Variants in TUBGCP6 observed in about 807,000 individuals in gnomAD.
TUBGCP6 encodes gamma-tubulin complex component 6.
A neutral mutation model predicts 175.8 loss-of-function variants in TUBGCP6; 161 were observed. The ratio of observed to expected loss-of-function variants is 0.92; its 90% CI spans 0.81 to 1.04. TUBGCP6 has a LOEUF of 1.04. Among genes scored for constraint, TUBGCP6 ranks in the 50% least tolerant of loss-of-function variants. TUBGCP6 has a pLI of 0.00. For missense variants in TUBGCP6, 2,572 were observed against 2,433.0 expected (o/e 1.06, Z -1.20); for synonymous variants, 1,173 against 1,030.5 (o/e 1.14, Z -2.65).
chr22:50,225,066 C>A (rs1375972428), intron 10 of TUBGCP6, among the ~76,000 whole-genome samples: 4 of 143,810 alleles, frequency 2.8e-5, no homozygotes, highest in Admixed American at 2.8e-4. Context: ...CCCGCCCACC[C>A]TCCCCCACCC....
intron 2 of TUBGCP6, among the ~76,000 whole-genome samples, chr22:50,236,916 T>C (rs1220477688): frequency 6.6e-6 from 1 of 151,986 alleles, no homozygotes; most frequent in African/African-American, 2.4e-5. Flanking sequence ...CTGCCATGGC[T>C]GCACACCCCT....
In TUBGCP6 at chr22:50,221,290, C is replaced by T; in HGVS notation, c.3069G>A (p.Glu1023=). The T allele has an allele frequency of 3.1e-6, 5 of 1,613,930 alleles. No homozygotes were observed. The highest frequency in any genetic ancestry group is 4.2e-6 in the Non-Finnish European group (5 of 1,180,042). The change falls in exon 16 of 25, where the codon GAG becomes GAA. Residue 1023 remains glutamate (E), a synonymous_variant. Transcript: ENST00000248846. The part of the protein sequence containing the change: ...ALEEGSSQPT[E]RLFGQVSGGG... ...CCCCTGACACCTGCCCAAAGAGCCG[C>T]TCTGTGGGCTGGCTGCTCCCCTCCT...
intron 1 of TUBGCP6, among the ~76,000 whole-genome samples, chr22:50,240,956 T>C (rs555182658): frequency 6.6e-6 from 1 of 152,244 alleles, no homozygotes; most frequent in East Asian, 1.9e-4. Flanking sequence ...GCCACCACAC[T>C]CCAGTCTGGG....
Position 50,221,463 on chromosome 22 carries a change from C to T in TUBGCP6, c.2896G>A (p.Ala966Thr). 6.3e-7 allele frequency: 1 copy of T among 1,593,570 alleles called. No homozygotes were observed. The highest frequency in any genetic ancestry group is 1.1e-5 in the South Asian group (1 of 89,124). ...VLRPAVATSP[A>T]PGPLQAAECS... ...TCTGCAGCCTGCAGGGGCCCTGGTG[C>T]AGGTGAGGTGGCCACAGCTGGCCTC... The change falls in exon 16 of 25, where the codon GCA becomes ACA. Residue 966 changes from alanine (A) to threonine (T), a missense_variant. Ala to Thr is a moderately conservative substitution (Grantham distance 58). Transcript: ENST00000248846.
At chr22:50,229,263 A>G (rs1030544731) in intron 4 of TUBGCP6, 141 bp downstream of exon 4, 4 of 942,292 alleles carry the variant, frequency 4.2e-6, no homozygotes, top group Non-Finnish European at 6.3e-6. Context: ...CTCAAGAGCC[A>G]CTATCGGGTT....
chr22:50,238,694 C>T (rs186135261), intron 2 of TUBGCP6, among the ~76,000 whole-genome samples: 6 of 151,880 alleles, frequency 4.0e-5, no homozygotes, highest in Admixed American at 6.6e-5. Flanking sequence ...CCCGCCACCA[C>T]GCCTGGCTAA....
At chr22:50,222,907 C>T (rs2064551280) in intron 13 of TUBGCP6, 1 of 319,510 alleles carries the variant, frequency 3.1e-6, no homozygotes, top group Non-Finnish European at 5.8e-6. Context: ...GCCGAGGGCC[C>T]CAGGCCTCTA....
chr22:50,230,164 G>C (rs564428386), intron 3 of TUBGCP6, among the ~76,000 whole-genome samples: 3 of 152,180 alleles, frequency 2.0e-5, no homozygotes. Flanking sequence ...ATACCCTAAA[G>C]AGATATTTTA....
rs724159975 is a variant in TUBGCP6 at position 50,224,196 on chromosome 22, G to A, written c.2215C>T (p.Arg739Ter). 8 of 1,613,916 alleles carry A rather than the reference G, an allele frequency of 5.0e-6. No individual in the cohort carries two copies. Among genetic ancestry groups the A allele is most frequent in the South Asian group, 1.1e-5 (1 of 91,078 alleles). The change falls in exon 13 of 25, where the codon CGA (arginine) becomes TGA (stop). Residue 739 changes from arginine (R) to a stop codon, truncating the protein, a stop_gained. Transcript: ENST00000248846. LOFTEE classifies it high-confidence loss of function. ...GACTTCAGCCTTCTCTCCCTGTCTC[G>A]GAGTTCACGGGCGTAGCTGAAGTCA... ...DDDFSYARELRDRERRLKSLE... is the reference protein window; with the variant it reads ...DDDFSYAREL
chr22:50,234,671 A>ACGG, intron 2 of TUBGCP6, among the ~76,000 whole-genome samples: 1 of 128,066 alleles, frequency 7.8e-6, no homozygotes, highest in African/African-American at 3.1e-5. Flanking sequence ...ACCCCCGTCC[A>ACGG]CAGCAGCATC....
In TUBGCP6 at chr22:50,224,215, G is replaced by A; in HGVS notation, c.2196C>T (p.Phe732=). The A allele has an allele frequency of 2.5e-6, 4 of 1,614,144 alleles. No individual in the cohort carries two copies. The highest frequency in any genetic ancestry group is 3.4e-6 in the Non-Finnish European group (4 of 1,180,032). The change falls in exon 13 of 25, where the codon TTC becomes TTT. Residue 732 remains phenylalanine, a synonymous_variant. Coordinates refer to ENST00000248846, the MANE Select transcript of TUBGCP6 (RefSeq NM_020461.4). The part of the protein sequence containing the change: ...AARQEELDDD[F]SYARELRDRE... ...TGTCTCGGAGTTCACGGGCGTAGCT[G>A]AAGTCATCATCCAGCTCCTCCTGCC...
intron 2 of TUBGCP6, among the ~76,000 whole-genome samples, chr22:50,234,272 C>CA (rs2064732985): frequency 4.8e-5 from 7 of 145,370 alleles, no homozygotes; most frequent in Admixed American, 1.4e-4. Context: ...CACCCACACC[C>CA]CTGTCCATGG....
At chr22:50,235,825 A>G (rs796091276) in intron 2 of TUBGCP6, among the ~76,000 whole-genome samples, 14 of 152,124 alleles carry the variant, frequency 9.2e-5, no homozygotes, top group African/African-American at 3.4e-4. Context: ...CTGTAATCCC[A>G]GCTGCTCAGG....
chr22:50,228,000 A>G lies in TUBGCP6; in HGVS notation c.1319T>C (p.Leu440Pro), dbSNP rs1175293204. 2 of 1,567,878 alleles carry G rather than the reference A, an allele frequency of 1.3e-6. No individual in the cohort carries two copies. The highest frequency in any genetic ancestry group is 1.7e-6 in the Non-Finnish European group (2 of 1,156,436). ...AAGGACGCAGGCCCGGTAATACTGC[A>G]GGTACCTCCTCAGGCCACTGGTGAA... ...QAFTSGLRRYLQYYRACVLST... is the reference protein window; with the variant it reads ...QAFTSGLRRYPQYYRACVLST... Residue 440 changes from leucine (L) to proline (P), a missense_variant, in exon 5 of 25, where the codon CTG (leucine) becomes CCG (proline). Coordinates refer to ENST00000248846, the MANE Select transcript of TUBGCP6 (RefSeq NM_020461.4).
In TUBGCP6 at chr22:50,221,725, G is replaced by A; in HGVS notation, c.2634C>T (p.Gly878=). 3 of 1,516,228 alleles carry A rather than the reference G, an allele frequency of 2.0e-6. No individual in the cohort carries two copies. The highest frequency in any genetic ancestry group is 2.7e-5 in the South Asian group (2 of 74,870). The allele number at this position is 1,516,228 out of a possible 1,614,324, so 93.9% of individuals were successfully genotyped here. ...PLKPLAVGAG[G]RGLQQAEGAR... ...CCCCCTCCGCCTGCTGCAGCCCCCT[G>A]CCACCAGCCCCCACTGCTAGAGGCT... Residue 878 remains glycine, a synonymous_variant, in exon 16 of 25, where the codon GGC becomes GGT. Transcript: ENST00000248846.
chr22:50,244,184 A>G lies in TUBGCP6; in HGVS notation c.276T>C (p.Leu92=), dbSNP rs1601613149. 6.2e-7 allele frequency: 1 copy of G among 1,613,214 alleles called. No homozygotes were observed. Among genetic ancestry groups the G allele is most frequent in the African/African-American group, 1.3e-5 (1 of 75,034 alleles). ...AAGGGGCTGCTTCCAGCTCCTCCACAAGCTCCTCCAAACGGTCGGCCTTGG... is the reference window on the plus strand; with the variant it reads ...AAGGGGCTGCTTCCAGCTCCTCCACGAGCTCCTCCAAACGGTCGGCCTTGG... ...LGPKADRLEE[L]VEELEAAPCC... Residue 92 remains leucine, a synonymous_variant, in exon 1 of 25, where the codon CTT becomes CTC. Transcript: ENST00000248846.
Position 50,220,134 on chromosome 22 carries a change from G to A in TUBGCP6, c.4108+117C>T, listed in dbSNP as rs575884527. 85 of 1,548,544 alleles carry A rather than the reference G, an allele frequency of 5.5e-5. No homozygotes were observed. In the Middle Eastern group the frequency reaches 8.6e-4, roughly 16 times the overall value. ...TGTCCCCCACAGCAGCCCAGGTCCT[G>A]GCTGACAAGGAGGCCTGAGGGGAAC... On this transcript the variant is annotated intron_variant, in intron 16 of 24. Coordinates refer to ENST00000248846, the MANE Select transcript of TUBGCP6 (RefSeq NM_020461.4).
intron 3 of TUBGCP6, among the ~76,000 whole-genome samples, chr22:50,231,530 C>T (rs2064691777): frequency 6.6e-6 from 1 of 151,620 alleles, no homozygotes; most frequent in Non-Finnish European, 1.5e-5. Flanking sequence ...AAAAGATCAA[C>T]AAAATTGACA....
At position 50,220,896 on chromosome 22, in the gene TUBGCP6, G is replaced by A. The variant is rs1457740942; in HGVS notation, c.3463C>T (p.Arg1155Trp). 8.1e-6 allele frequency: 13 copies of A among 1,612,636 alleles called. No individual in the cohort carries two copies. Among genetic ancestry groups the A allele is most frequent in the East Asian group, 2.2e-5 (1 of 44,832 alleles). Residue 1155 changes from arginine to tryptophan, a missense_variant, in exon 16 of 25, where the codon CGG becomes TGG. Transcript: ENST00000248846. ...GENVSDVAPTRPRWNTHGHVS... is the reference protein window; with the variant it reads ...GENVSDVAPTWPRWNTHGHVS... Reference sequence around the variant, plus strand: ...TGTCCATGGGTGTTCCACCGTGGCCGGGTGGGAGCCACGTCCGACACGTTC... The same window carrying A: ...TGTCCATGGGTGTTCCACCGTGGCCAGGTGGGAGCCACGTCCGACACGTTC...
Sources: allele counts gnomAD v4.1 joint callset (sites outside exome capture counted in the v4.1 genomes callset), GRCh38; gene constraint gnomAD v4.1.1; transcripts MANE v1.5; gene names NCBI Gene and HGNC (gene_info 2026-07-23, HGNC 2026-07-21).